The following CASK variants were observed in gnomAD, a reference collection of about 807,000 sequenced individuals.
CASK encodes peripheral plasma membrane protein CASK.
Under a neutral mutation model 82.9 loss-of-function variants are expected in CASK, and 4 were observed. That is an observed-to-expected ratio of 0.05 (90% confidence interval 0.02 to 0.11). CASK has a LOEUF of 0.11. Ranked by LOEUF, CASK falls within the 10% of genes least tolerant of loss-of-function variation. The probability of loss-of-function intolerance (pLI) is 1.00; values close to 1 mark genes in which losing one functional copy is unlikely to be tolerated. For missense variants in CASK, 358 were observed against 720.9 expected (o/e 0.50, Z 5.76); for synonymous variants, 259 against 253.5 (o/e 1.02, Z -0.20).
In CASK at chrX:41,915,990, AAC is replaced by A. The variant is rs200862362; in HGVS notation, c.59+6938_59+6939del. On this transcript the variant is annotated intron_variant, in intron 1 of 26. Transcript: ENST00000378163. ...GCGACAGAGTGAGACTCCGTCTCAA[AAC>A]ACACACACACACACACACACACACG... Among the ~76,000 whole-genome samples the A allele has an allele frequency of 3.1e-3, 323 of 104,749 alleles. 2 individuals carry two copies. The highest frequency in any genetic ancestry group is 8.9e-3 in the East Asian group (30 of 3,365). The allele number at this position is 104,749 out of a possible 115,157, so 91.0% of individuals were successfully genotyped here. A position where few individuals can be genotyped will look rare whatever the true frequency, so the allele number is the denominator to read the frequency against.
intron 1 of CASK, among the ~76,000 whole-genome samples, chrX:41,900,599 C>CTT (rs559584956): frequency 0.042 from 3,116 of 74,411 alleles, 149 homozygotes; most frequent in African/African-American, 0.1. Flanking sequence ...CTGTTTGGTT[C>CTT]TTTTTTTTTT....
intron 3 of CASK, among the ~76,000 whole-genome samples, chrX:41,777,488 CA>C (rs745388835): frequency 0.027 from 1,118 of 41,305 alleles, 4 homozygotes; most frequent in Middle Eastern, 0.088. Flanking sequence ...GACATCGTCT[CA>C]AAAAAAAAAA....
At chrX:41,828,863 C>T (rs1246368792) in intron 2 of CASK, among the ~76,000 whole-genome samples, 2 of 112,272 alleles carry the variant, frequency 1.8e-5, no homozygotes, top group Non-Finnish European at 3.8e-5. Flanking sequence ...TACATGGAGT[C>T]ACTCTGTCTC....
chrX:41,894,786 C>T (rs748480719), intron 1 of CASK, among the ~76,000 whole-genome samples: 1 of 110,694 alleles, frequency 9.0e-6, no homozygotes, highest in Non-Finnish European at 1.9e-5. Context: ...GTGCTTAGAT[C>T]GAATACCTCC....
intron 12 of CASK, among the ~76,000 whole-genome samples, chrX:41,597,052 T>C (rs1436141190): frequency 8.9e-6 from 1 of 112,665 alleles, no homozygotes; most frequent in Non-Finnish European, 1.9e-5. Context: ...CAAGTTTCAT[T>C]TTTTATCATA....
chrX:41,678,452 A>G (rs763928273), intron 5 of CASK, among the ~76,000 whole-genome samples: 11 of 112,191 alleles, frequency 9.8e-5, no homozygotes, highest in African/African-American at 3.6e-4. Flanking sequence ...GTAAATTTGT[A>G]GTTAGATCTA....
chrX:41,566,574 C>T lies in CASK; in HGVS notation c.1582+3094G>A, dbSNP rs770944370. 3.7e-4 allele frequency among the ~76,000 whole-genome samples: 41 copies of T among 111,474 alleles called. No individual in the cohort carries two copies. The South Asian group carries it at 0.013, about 36-fold the overall frequency. ...AGGAGAACTACAAACCATTGCTCAA[C>T]GAAATAAATGAGGACACAAACAAAT... On this transcript the variant is annotated intron_variant, in intron 16 of 26. Transcript: ENST00000378163.
chrX:41,623,104 G>A (rs1195465375), intron 10 of CASK, among the ~76,000 whole-genome samples: 1 of 110,278 alleles, frequency 9.1e-6, no homozygotes, highest in Non-Finnish European at 1.9e-5. Context: ...ATTTTGGCCA[G>A]GCTGGTCTCG....
Position 41,914,407 on chromosome X carries a change from G to A in CASK, c.59+8523C>T, listed in dbSNP as rs984627766. On this transcript the variant is annotated intron_variant, in intron 1 of 26. Transcript: ENST00000378163. ...ACAAGAAGCTGAAGTGAAATAGCAC[G>A]CACTTAGATACCAAAAAACTGGCTT... Among the ~76,000 whole-genome samples, 7 of 112,287 alleles carry A rather than the reference G, an allele frequency of 6.2e-5. No homozygotes were observed. The East Asian group carries it at 1.4e-3, about 22-fold the overall frequency.
chrX:41,830,546 T>G (rs538542759), intron 2 of CASK, among the ~76,000 whole-genome samples: 2 of 110,734 alleles, frequency 1.8e-5, no homozygotes, highest in Non-Finnish European at 3.8e-5. Context: ...GATGGCCGGG[T>G]GCGGTGGCTC....
intron 8 of CASK, among the ~76,000 whole-genome samples, chrX:41,651,870 C>T (rs937831240): frequency 1.8e-5 from 2 of 111,331 alleles, no homozygotes; most frequent in African/African-American, 3.3e-5. Flanking sequence ...GCCAAAAATC[C>T]CTAGACTTAT....
At chrX:41,610,523 T>C in intron 11 of CASK, among the ~76,000 whole-genome samples, 1 of 111,579 alleles carries the variant, frequency 9.0e-6, no homozygotes, top group Middle Eastern at 4.6e-3. Context: ...TTTTAAGACT[T>C]GAACTTTAGT....
rs186152349 is a variant in CASK at position 41,548,480 on chromosome X, C to T, written c.2039+5239G>A. Among the ~76,000 whole-genome samples the T allele has an allele frequency of 8.9e-5, 10 of 111,856 alleles. No individual in the cohort carries two copies. In the East Asian group the frequency reaches 2.8e-3, roughly 31 times the overall value. On this transcript the variant is annotated intron_variant, in intron 21 of 26. Transcript: ENST00000378163. Reference sequence around the variant, plus strand: ...TTTTCTATTTTCTTAAAGAGGCTGTCTTCCATATCTCTTACTCGCTCTTGT... The same window carrying T: ...TTTTCTATTTTCTTAAAGAGGCTGTTTTCCATATCTCTTACTCGCTCTTGT...
At chrX:41,745,282 C>CT (rs1473957097) in intron 4 of CASK, among the ~76,000 whole-genome samples, 1 of 111,951 alleles carries the variant, frequency 8.9e-6, no homozygotes, top group Non-Finnish European at 1.9e-5. Context: ...TCCCACAGTG[C>CT]TGGGATTACA....
intron 2 of CASK, among the ~76,000 whole-genome samples, chrX:41,819,552 A>G (rs1228750530): frequency 9.0e-6 from 1 of 111,572 alleles, no homozygotes; most frequent in Non-Finnish European, 1.9e-5. Flanking sequence ...TAGCAATCCA[A>G]TACAAACATT....
intron 1 of CASK, 118 bp downstream of exon 1, chrX:41,922,812 G>C (rs774687804): frequency 4.9e-6 from 3 of 610,654 alleles, no homozygotes; most frequent in South Asian, 4.7e-5. Context: ...TGAGAAGGAC[G>C]AGAGGGGAAG....
intron 8 of CASK, among the ~76,000 whole-genome samples, chrX:41,654,780 T>C (rs1166872257): frequency 1.8e-5 from 2 of 112,246 alleles, no homozygotes; most frequent in Non-Finnish European, 3.8e-5. Context: ...AGGGAGCTTC[T>C]GCTGTTCTCC....
chrX:41,773,895 T>C (rs1348018379), intron 3 of CASK, among the ~76,000 whole-genome samples: 1 of 111,841 alleles, frequency 8.9e-6, no homozygotes, highest in Non-Finnish European at 1.9e-5. Flanking sequence ...TGAGAAGACC[T>C]AGGACATTAC....
At chrX:41,760,821 T>C (rs1417770229) in intron 3 of CASK, among the ~76,000 whole-genome samples, 1 of 111,892 alleles carries the variant, frequency 8.9e-6, no homozygotes, top group Non-Finnish European at 1.9e-5. Context: ...CAATTCTTTA[T>C]CTACTGGATG....
Sources: allele counts gnomAD v4.1 joint callset (sites outside exome capture counted in the v4.1 genomes callset), GRCh38; gene constraint gnomAD v4.1.1; transcripts MANE v1.5; gene names NCBI Gene and HGNC (gene_info 2026-07-23, HGNC 2026-07-21).